The following PDXDC1 variants were observed in gnomAD, a reference collection of about 807,000 sequenced individuals.
PDXDC1 encodes the protein pyridoxal-dependent decarboxylase domain-containing protein 1.
A neutral mutation model predicts 100.1 loss-of-function variants in PDXDC1; 42 were observed. The observed-to-expected ratio is 0.42, with a 90% CI of 0.33 to 0.54. The LOEUF is 0.54. PDXDC1 is among the 20% of genes least tolerant of loss of function. PDXDC1 has a pLI of 0.10. For synonymous variants in PDXDC1, 260 were observed against 371.7 expected (o/e 0.70, Z 3.46); for missense variants, 636 against 979.2 (o/e 0.65, Z 4.68).
chr16:15,093,428 G>A (rs1222240547), intron 16 of PDXDC1, among the ~76,000 whole-genome samples: 1 of 152,118 alleles, frequency 6.6e-6, no homozygotes, highest in Admixed American at 6.5e-5. Context: ...AAATCATCGT[G>A]TTCGTTTATT....
chr16:15,063,326 G>A (rs4012844), intron 16 of PDXDC1: 76 of 1,445,786 alleles, frequency 5.3e-5, no homozygotes, highest in African/African-American at 3.5e-4. Context: ...TAAATACTTC[G>A]GCAGAAGTCA....
At chr16:15,104,433 A>T in intron 16 of PDXDC1, 1 of 1,383,434 alleles carries the variant, frequency 7.2e-7, no homozygotes, top group East Asian at 3.2e-5. Context: ...TCATCCGCTG[A>T]GGGTGGAGCT....
At chr16:15,073,280 G>T (rs2045314988) in intron 16 of PDXDC1, among the ~76,000 whole-genome samples, 1 of 152,164 alleles carries the variant, frequency 6.6e-6, no homozygotes, top group South Asian at 2.1e-4. Flanking sequence ...GGAACACAGG[G>T]AAGCTCTGTC....
At chr16:15,079,067 C>T in intron 16 of PDXDC1, among the ~76,000 whole-genome samples, 1 of 152,264 alleles carries the variant, frequency 6.6e-6, no homozygotes, top group Middle Eastern at 3.4e-3. Context: ...GCCTCGGCCT[C>T]CCAAAGTGCT....
the PDXDC1 span, among the ~76,000 whole-genome samples, chr16:15,149,862 T>A: frequency 6.6e-6 from 1 of 151,954 alleles, no homozygotes; most frequent in Non-Finnish European, 1.5e-5. Flanking sequence ...CAGGACAACC[T>A]CTGGGACAAT....
In PDXDC1 at chr16:14,995,390, T is replaced by G. The variant is rs574393196; in HGVS notation, c.22-2363T>G. On this transcript the variant is annotated intron_variant, in intron 1 of 22. Transcript: ENST00000396410. ...TTGTCAAAGGCCGTTCTGCATGTAT[T>G]GAGATAATCGTATGGTTTTTGTTGT... Among the ~76,000 whole-genome samples the G allele has an allele frequency of 8.5e-5, 13 of 152,410 alleles. No individual in the cohort carries two copies. In the South Asian group the frequency reaches 2.5e-3, roughly 29 times the overall value.
chr16:15,104,340 T>C, intron 16 of PDXDC1: 2 of 1,589,470 alleles, frequency 1.3e-6, no homozygotes, highest in Admixed American at 1.7e-5. Flanking sequence ...TATTTATTTA[T>C]TCTTCGTTAG....
intron 14 of PDXDC1, among the ~76,000 whole-genome samples, chr16:15,027,021 C>A (rs191844439): frequency 4.3e-5 from 6 of 139,622 alleles, no homozygotes; most frequent in African/African-American, 1.3e-4. Context: ...TAGGTTGTGC[C>A]CAGGAATCTG....
chr16:15,033,351 C>G lies in PDXDC1; in HGVS notation c.1764C>G (p.Leu588=), dbSNP rs151129728. The change falls in exon 19 of 23, where the codon CTC becomes CTG. Residue 588 remains leucine, a synonymous_variant. Coordinates refer to ENST00000396410, the MANE Select transcript of PDXDC1 (RefSeq NM_015027.4). ...MASDNVDAAE[L]VETIAATARE... ...GCGACAACGTCGATGCTGCTGAGCT[C>G]GTGGAGACCATTGCGGCCACAGCCC... 1.2e-6 allele frequency: 2 copies of G among 1,614,146 alleles called. No homozygotes were observed. Among genetic ancestry groups the G allele is most frequent in the Non-Finnish European group, 1.7e-6 (2 of 1,180,010 alleles).
intron 16 of PDXDC1, chr16:15,070,265 G>GA (rs1267492663): frequency 6.2e-7 from 1 of 1,611,364 alleles, no homozygotes; most frequent in Non-Finnish European, 8.5e-7. Flanking sequence ...CTAGAGAAAA[G>GA]AAAAATTCAA....
At chr16:15,142,878 C>A (rs1314218901), downstream of PDXDC1, among the ~76,000 whole-genome samples, 1 of 152,054 alleles carries the variant, frequency 6.6e-6, no homozygotes, top group Admixed American at 6.5e-5. Context: ...GCAGGACCAC[C>A]GAGCGGCCCT....
At chr16:14,999,826 T>C (rs1350169996) in intron 3 of PDXDC1, among the ~76,000 whole-genome samples, 2 of 152,272 alleles carry the variant, frequency 1.3e-5, no homozygotes, top group Admixed American at 6.5e-5. Flanking sequence ...CTGGGATTAG[T>C]ATCCCAGCCC....
chr16:15,029,689 G>A, intron 15 of PDXDC1: 2 of 566,690 alleles, frequency 3.5e-6, no homozygotes, highest in East Asian at 6.0e-5. Flanking sequence ...GTGTCGCTTA[G>A]TAATATATTG....
intron 1 of PDXDC1, among the ~76,000 whole-genome samples, chr16:14,980,858 C>G (rs1358981352): frequency 6.6e-6 from 1 of 152,282 alleles, no homozygotes; most frequent in Non-Finnish European, 1.5e-5. Flanking sequence ...CCTTGGCCTC[C>G]CAAAGTGCTG....
intron 16 of PDXDC1, among the ~76,000 whole-genome samples, chr16:15,049,332 G>A (rs200485220): frequency 6.6e-6 from 1 of 152,148 alleles, no homozygotes; most frequent in East Asian, 1.9e-4. Flanking sequence ...CCTGGCCTCC[G>A]CTTTTTTACC....
At chr16:15,029,016 A>T (rs775170323) in intron 15 of PDXDC1, 50 bp downstream of exon 15, 2 of 1,578,272 alleles carry the variant, frequency 1.3e-6, no homozygotes, top group Non-Finnish European at 8.6e-7. Flanking sequence ...GTCCATCACC[A>T]TCCGACCTGC....
chr16:14,992,116 CATG>C (rs1169703534), intron 1 of PDXDC1, among the ~76,000 whole-genome samples: 1 of 152,260 alleles, frequency 6.6e-6, no homozygotes, highest in East Asian at 1.9e-4. Flanking sequence ...TGTAAGGAAT[CATG>C]AGGATAAATG....
chr16:15,038,107 A>G lies in PDXDC1; in HGVS notation c.*1832A>G. On this transcript the variant is annotated 3_prime_UTR_variant, in exon 23 of 23. Coordinates refer to ENST00000396410, the MANE Select transcript of PDXDC1 (RefSeq NM_015027.4). Reference sequence around the variant, plus strand: ...GTAGAGTAGGGCTTTATTTCCAGAAAACAGTGTGTGAGCTGGAGATGGGTG... The same window carrying G: ...GTAGAGTAGGGCTTTATTTCCAGAAGACAGTGTGTGAGCTGGAGATGGGTG... 2 of 1,612,130 alleles carry G rather than the reference A, an allele frequency of 1.2e-6. No homozygotes were observed. Among genetic ancestry groups the G allele is most frequent in the South Asian group, 2.2e-5 (2 of 91,022 alleles).
chr16:15,083,769 T>C (rs2045800141), intron 16 of PDXDC1: 2 of 649,382 alleles, frequency 3.1e-6, no homozygotes, highest in Non-Finnish European at 5.0e-6. Context: ...CAGGCTGGAG[T>C]GCAGTGGCGC....
Sources: gnomAD v4.1 joint callset for allele counts (sites outside exome capture counted in the v4.1 genomes callset) on GRCh38, gnomAD v4.1.1 for gene constraint, MANE v1.5 for transcripts, NCBI Gene and HGNC (gene_info 2026-07-23, HGNC 2026-07-21) for gene names.